MACROD2: variants seen among roughly 807,000 people sequenced by gnomAD.
The protein encoded by MACROD2 is mono-ADP ribosylhydrolase 2, also known as ADP-ribose glycohydrolase MACROD2.
A neutral mutation model predicts 70.4 loss-of-function variants in MACROD2; 36 were observed. The observed-to-expected ratio is 0.51, with a 90% CI of 0.39 to 0.68. MACROD2 has a LOEUF of 0.68. Among genes scored for constraint, MACROD2 ranks in the 30% least tolerant of loss-of-function variants. MACROD2 has a pLI of 0.00. For missense variants in MACROD2, 496 were observed against 538.4 expected, an observed-to-expected ratio of 0.92 and a Z score of 0.78; for synonymous variants, 172 against 178.8, an observed-to-expected ratio of 0.96 and a Z score of 0.30.
At chr20:15,316,101 TA>T (rs57271877) in intron 6 of MACROD2, among the ~76,000 whole-genome samples, 35,528 of 118,564 alleles carry the variant, frequency 0.3, 4,396 homozygotes, top group South Asian at 0.36. Flanking sequence ...AATGGCACAC[TA>T]AAAAAAAAAA....
intron 13 of MACROD2, among the ~76,000 whole-genome samples, chr20:15,979,535 A>G (rs1459997934): frequency 2.6e-5 from 4 of 152,120 alleles, no homozygotes; most frequent in African/African-American, 7.2e-5. Context: ...ATGCCACCAC[A>G]GGGATGGACT....
intron 7 of MACROD2, among the ~76,000 whole-genome samples, chr20:15,437,229 T>C (rs571447079): frequency 1.3e-5 from 2 of 152,210 alleles, no homozygotes; most frequent in Non-Finnish European, 2.9e-5. Context: ...TTCTCTGGAC[T>C]ATGTTTTCTT....
chr20:15,612,337 C>T lies in MACROD2; in HGVS notation c.645+112490C>T, dbSNP rs16996120. Among the ~76,000 whole-genome samples, 401 of 152,252 alleles carry T rather than the reference C, an allele frequency of 2.6e-3. 2 individuals are homozygous for T. Among genetic ancestry groups the T allele is most frequent in the African/African-American group, 9.2e-3 (381 of 41,544 alleles). Reference sequence around the variant, plus strand: ...CTAATCTAATTGTCTGCCTCTATTGCGTCGACTCTTCTGGGAGATAATGGT... The same window carrying T: ...CTAATCTAATTGTCTGCCTCTATTGTGTCGACTCTTCTGGGAGATAATGGT... On this transcript the variant is annotated intron_variant, in intron 8 of 17. Coordinates refer to ENST00000684519, the MANE Select transcript of MACROD2 (RefSeq NM_001351661.2).
At chr20:15,679,453 A>G (rs964034661) in intron 8 of MACROD2, among the ~76,000 whole-genome samples, 29 of 149,538 alleles carry the variant, frequency 1.9e-4, no homozygotes, top group Non-Finnish European at 2.2e-4. Flanking sequence ...GGTGGCCCCC[A>G]TGAACTGCAC....
intron 13 of MACROD2, among the ~76,000 whole-genome samples, chr20:15,985,482 A>C (rs762082390): frequency 4.6e-5 from 7 of 152,218 alleles, no homozygotes; most frequent in Non-Finnish European, 1.0e-4. Flanking sequence ...GAGTGGGGCA[A>C]GTTCCAAAGA....
chr20:14,703,504 A>T (rs2071231684), intron 5 of MACROD2, among the ~76,000 whole-genome samples: 1 of 152,176 alleles, frequency 6.6e-6, no homozygotes, highest in Non-Finnish European at 1.5e-5. Flanking sequence ...GAGCCAAGAG[A>T]CTTGGATTTT....
chr20:15,034,357 TCTCTGC>T, intron 5 of MACROD2, among the ~76,000 whole-genome samples: 2 of 152,144 alleles, frequency 1.3e-5, no homozygotes, highest in African/African-American at 2.4e-5. Flanking sequence ...CAAATAACTT[TCTCTGC>T]TGTGTTCCTG....
intron 6 of MACROD2, among the ~76,000 whole-genome samples, chr20:15,414,158 G>A (rs1287000775): frequency 1.3e-5 from 2 of 152,100 alleles, no homozygotes; most frequent in Admixed American, 6.6e-5. Flanking sequence ...GTAATTTGCA[G>A]CATAGGACAC....
At chr20:15,397,060 A>T (rs1382254054) in intron 6 of MACROD2, among the ~76,000 whole-genome samples, 1 of 152,204 alleles carries the variant, frequency 6.6e-6, no homozygotes, top group African/African-American at 2.4e-5. Flanking sequence ...TGTCTGTTTT[A>T]TAAAGAATGT....
At chr20:15,297,103 G>A (rs539497886) in intron 6 of MACROD2, among the ~76,000 whole-genome samples, 6 of 152,230 alleles carry the variant, frequency 3.9e-5, no homozygotes, top group South Asian at 4.1e-4. Context: ...TTCTGCTTTC[G>A]TCCTCTGCTG....
At chr20:15,911,843 A>G (rs2065241840) in intron 10 of MACROD2, among the ~76,000 whole-genome samples, 1 of 152,212 alleles carries the variant, frequency 6.6e-6, no homozygotes, top group African/African-American at 2.4e-5. Context: ...GTGGAATTCA[A>G]CTTTTAAAAT....
At chr20:15,147,429 ATT>A (rs11469255) in intron 5 of MACROD2, among the ~76,000 whole-genome samples, 29,201 of 149,136 alleles carry the variant, frequency 0.2, 3,825 homozygotes, top group Non-Finnish European at 0.3. Flanking sequence ...CGGAGTTAGC[ATT>A]TTTTTTTTTT....
At chr20:15,451,609 T>C (rs1160917163) in intron 7 of MACROD2, among the ~76,000 whole-genome samples, 2 of 152,046 alleles carry the variant, frequency 1.3e-5, no homozygotes, top group Non-Finnish European at 2.9e-5. Context: ...CAGTTCTCCA[T>C]TTCCATTGTA....
intron 7 of MACROD2, among the ~76,000 whole-genome samples, chr20:15,472,756 A>G (rs1395598272): frequency 6.6e-6 from 1 of 151,972 alleles, no homozygotes; most frequent in Non-Finnish European, 1.5e-5. Flanking sequence ...TTATGTTCCA[A>G]TGTTCTTTCC....
intron 8 of MACROD2, among the ~76,000 whole-genome samples, chr20:15,504,137 G>GGATACT (rs1308615636): frequency 6.6e-6 from 1 of 152,124 alleles, no homozygotes; most frequent in Admixed American, 6.5e-5. Context: ...TGGTGTAGCT[G>GGATACT]GATACTTCCA....
At chr20:15,501,522 T>C (rs1345210284) in intron 8 of MACROD2, among the ~76,000 whole-genome samples, 1 of 152,238 alleles carries the variant, frequency 6.6e-6, no homozygotes, top group Non-Finnish European at 1.5e-5. Context: ...ATAGAAATTT[T>C]CTAATCTAGT....
At chr20:15,918,362 A>T (rs1393731484) in intron 10 of MACROD2, among the ~76,000 whole-genome samples, 1 of 152,200 alleles carries the variant, frequency 6.6e-6, no homozygotes, top group African/African-American at 2.4e-5. Flanking sequence ...TGAATGGTTC[A>T]AGTAGTATAT....
At chr20:14,633,781 A>G (rs1314416666) in intron 4 of MACROD2, among the ~76,000 whole-genome samples, 2 of 152,188 alleles carry the variant, frequency 1.3e-5, no homozygotes, top group Non-Finnish European at 2.9e-5. Flanking sequence ...ACATAAGTCC[A>G]TTGAAACCAC....
intron 3 of MACROD2, among the ~76,000 whole-genome samples, chr20:14,246,684 G>A (rs1280849375): frequency 6.6e-6 from 1 of 152,068 alleles, no homozygotes; most frequent in African/African-American, 2.4e-5. Context: ...ATTTACTCTG[G>A]TTCTTACCAA....
Sources: gnomAD v4.1 joint callset for allele counts (sites outside exome capture counted in the v4.1 genomes callset) on GRCh38, gnomAD v4.1.1 for gene constraint, MANE v1.5 for transcripts, NCBI Gene and HGNC (gene_info 2026-07-23, HGNC 2026-07-21) for gene names.